Variants in ZBTB38 observed in about 807,000 individuals in gnomAD.
ZBTB38 encodes the protein zinc finger and BTB domain containing 38, also known as zinc finger and BTB domain-containing protein 38.
A neutral mutation model predicts 76.8 loss-of-function variants in ZBTB38; 20 were observed. The observed-to-expected ratio is 0.26, with a 90% CI of 0.18 to 0.38. The LOEUF is 0.38. Ranked by LOEUF, ZBTB38 falls within the 10% of genes least tolerant of loss-of-function variation. The pLI is 1.00. For synonymous variants in ZBTB38, 504 were observed against 544.2 expected, an observed-to-expected ratio of 0.93 and a Z score of 1.03; for missense variants, 1,082 against 1,482.3, an observed-to-expected ratio of 0.73 and a Z score of 4.43.
intron 5 of ZBTB38, among the ~76,000 whole-genome samples, chr3:141,435,108 G>C (rs1213649758): frequency 6.6e-6 from 1 of 152,122 alleles, no homozygotes; most frequent in African/African-American, 2.4e-5. Context: ...CAGCACCACT[G>C]CTGTCCGACA....
intron 5 of ZBTB38, among the ~76,000 whole-genome samples, chr3:141,438,840 A>C (rs1044363514): frequency 6.6e-6 from 1 of 152,012 alleles, no homozygotes. Flanking sequence ...CAACAGATAC[A>C]TGCTGAGGCC....
chr3:141,349,517 TC>T (rs1370641845), intron 1 of ZBTB38, among the ~76,000 whole-genome samples: 2 of 152,070 alleles, frequency 1.3e-5, no homozygotes, highest in African/African-American at 2.4e-5. Context: ...ATTGTCTCAT[TC>T]TGAATTAAAG....
At position 141,446,772 on chromosome 3, in the gene ZBTB38, G is replaced by A. The variant is rs191685583; in HGVS notation, c.*796G>A. On this transcript the variant is annotated 3_prime_UTR_variant, in exon 6 of 6. Coordinates refer to ENST00000321464, the MANE Select transcript of ZBTB38 (RefSeq NM_001376113.1). ...TGAAGTTATGGCTGAGCTGTTCTTA[G>A]AACTGGTCTACTCAATTCACAGAAA... 6.5e-6 allele frequency: 1 copy of A among 152,760 alleles called. No individual in the cohort carries two copies. Among genetic ancestry groups the A allele is most frequent in the East Asian group, 1.9e-4 (1 of 5,188 alleles). 9.5% of individuals were successfully genotyped at this position (152,760 alleles called of 1,614,324 possible).
chr3:141,327,331 C>T (rs568447375), intron 1 of ZBTB38, among the ~76,000 whole-genome samples: 8 of 152,190 alleles, frequency 5.3e-5, no homozygotes, highest in African/African-American at 1.9e-4. Flanking sequence ...CTTAGCCAGG[C>T]GATCAAGGTC....
chr3:141,417,903 A>G (rs11715942), intron 5 of ZBTB38, among the ~76,000 whole-genome samples: 5,175 of 152,142 alleles, frequency 0.034, 135 homozygotes, highest in Non-Finnish European at 0.052. Flanking sequence ...AGTCTCAGCT[A>G]CTCGGGAGGC....
intron 4 of ZBTB38, among the ~76,000 whole-genome samples, chr3:141,396,035 C>G (rs1361042374): frequency 6.6e-6 from 1 of 152,146 alleles, no homozygotes; most frequent in Non-Finnish European, 1.5e-5. Context: ...TGTTGTGTTG[C>G]TGAAGGTTGG....
At chr3:141,392,122 A>G (rs1337706508) in intron 4 of ZBTB38, among the ~76,000 whole-genome samples, 4 of 152,184 alleles carry the variant, frequency 2.6e-5, no homozygotes, top group Admixed American at 6.5e-5. Context: ...TTCATTACTT[A>G]GCTGACTTTG....
In ZBTB38 at chr3:141,447,897, T is replaced by A. The variant is rs2081214784; in HGVS notation, c.*1921T>A. On this transcript the variant is annotated 3_prime_UTR_variant, in exon 6 of 6. Transcript: ENST00000321464. ...ATCTACTTTCACTTACATACAGTAT[T>A]ATATAAGTAGAGAAAAATGGGAAAA... The A allele has an allele frequency of 6.6e-6, 1 of 152,660 alleles. No homozygotes were observed. Among genetic ancestry groups the A allele is most frequent in the Non-Finnish European group, 1.5e-5 (1 of 68,038 alleles). 9.5% of individuals were successfully genotyped at this position (152,660 alleles called of 1,614,324 possible).
At position 141,444,770 on chromosome 3, in the gene ZBTB38, T is replaced by C. The variant is rs748994847; in HGVS notation, c.2382T>C (p.Tyr794=). ...GAGAAATACCGGAGGAGTCAAACTA[T>C]GTTGCTGATCCTGGAGGATCACTGA... ...TRGEIPEESN[Y]VADPGGSLSK... Residue 794 remains tyrosine, a synonymous_variant, in exon 6 of 6, where the codon TAT becomes TAC. Coordinates refer to ENST00000321464, the MANE Select transcript of ZBTB38 (RefSeq NM_001376113.1). This position sits in a 1 kb window ranked among gnomAD's most constrained non-coding sequence, Gnocchi z 5.1. The C allele has an allele frequency of 8.1e-6, 13 of 1,614,132 alleles. No homozygotes were observed. Among genetic ancestry groups the C allele is most frequent in the Non-Finnish European group, 1.1e-5 (13 of 1,180,038 alleles).
rs1319101431 is a variant in ZBTB38 at position 141,442,168 on chromosome 3, C to T, written c.1-221C>T. On this transcript the variant is annotated intron_variant, in intron 5 of 5. Transcript: ENST00000321464. The surrounding 1 kb of genome is among the most constrained non-coding windows in gnomAD (Gnocchi z 6.4). Reference sequence around the variant, plus strand: ...GGGGAAGGAGTTCTGGGAGGATTTCCAATGATAACAACTATTAGCAATGGT... The same window carrying T: ...GGGGAAGGAGTTCTGGGAGGATTTCTAATGATAACAACTATTAGCAATGGT... Among the ~76,000 whole-genome samples the T allele has an allele frequency of 6.6e-6, 1 of 151,886 alleles. No individual in the cohort carries two copies. The highest frequency in any genetic ancestry group is 1.9e-4 in the East Asian group (1 of 5,188).
intron 2 of ZBTB38, among the ~76,000 whole-genome samples, chr3:141,372,618 C>G (rs1329074274): frequency 1.3e-5 from 2 of 151,046 alleles, no homozygotes; most frequent in African/African-American, 4.9e-5. Context: ...CACCACAGGA[C>G]TCCGGCCTGG....
At chr3:141,417,012 TAC>T (rs2074212756) in intron 5 of ZBTB38, among the ~76,000 whole-genome samples, 1 of 152,166 alleles carries the variant, frequency 6.6e-6, no homozygotes, top group Non-Finnish European at 1.5e-5. Context: ...AGGAAACAAG[TAC>T]AGTGTCCAAA....
intron 5 of ZBTB38, among the ~76,000 whole-genome samples, chr3:141,440,487 C>G (rs2079877940): frequency 6.6e-6 from 1 of 152,124 alleles, no homozygotes; most frequent in Non-Finnish European, 1.5e-5. Context: ...ATGCCATGAG[C>G]TAAATGTTAT....
chr3:141,407,097 A>G (rs2149722070), intron 5 of ZBTB38, among the ~76,000 whole-genome samples: 1 of 152,376 alleles, frequency 6.6e-6, no homozygotes, highest in Non-Finnish European at 1.5e-5. Context: ...TCAGCATACA[A>G]ATTAAAGAAT....
intron 2 of ZBTB38, among the ~76,000 whole-genome samples, chr3:141,370,324 A>C (rs572667882): frequency 6.6e-6 from 1 of 152,300 alleles, no homozygotes; most frequent in African/African-American, 2.4e-5. Flanking sequence ...TGCACATGGG[A>C]GTTTTTTATG....
intron 2 of ZBTB38, among the ~76,000 whole-genome samples, chr3:141,377,470 TG>T (rs1422456352): frequency 3.9e-5 from 6 of 152,168 alleles, no homozygotes; most frequent in African/African-American, 1.4e-4. Context: ...GGCAAACATG[TG>T]GGGACACTGG....
chr3:141,371,045 CT>C (rs754872291), intron 2 of ZBTB38, among the ~76,000 whole-genome samples: 2,802 of 71,954 alleles, frequency 0.039, 6 homozygotes, highest in Non-Finnish European at 0.049. Flanking sequence ...TTCTTTCTTT[CT>C]TTTTTTTTTT....
chr3:141,399,428 T>C (rs1290781037), intron 4 of ZBTB38, among the ~76,000 whole-genome samples: 1 of 152,124 alleles, frequency 6.6e-6, no homozygotes, highest in Non-Finnish European at 1.5e-5. Context: ...CTTTGGTAGA[T>C]TTACTACCAA....
At chr3:141,395,584 C>A (rs973591945) in intron 4 of ZBTB38, among the ~76,000 whole-genome samples, 15 of 151,916 alleles carry the variant, frequency 9.9e-5, no homozygotes, top group Admixed American at 2.0e-4. Context: ...TTATGAAATT[C>A]AAAATACAAT....
Sources: allele counts gnomAD v4.1 joint callset (sites outside exome capture counted in the v4.1 genomes callset), GRCh38; gene constraint gnomAD v4.1.1; non-coding constraint Gnocchi (gnomAD v3.1); transcripts MANE v1.5; gene names NCBI Gene and HGNC (gene_info 2026-07-23, HGNC 2026-07-21).